The following PRKAR1A variants were observed in gnomAD, a reference collection of about 807,000 sequenced individuals.
PRKAR1A encodes the protein cAMP-dependent protein kinase type I-alpha regulatory subunit.
PRKAR1A carries 3 observed loss-of-function variants against 52.0 expected under a neutral mutation model. The observed-to-expected ratio is 0.06, with a 90% confidence interval of 0.03 to 0.15. The LOEUF (loss-of-function observed/expected upper bound fraction) is 0.15. Ranked by LOEUF, PRKAR1A falls within the 10% of genes least tolerant of loss-of-function variation. PRKAR1A has a pLI of 1.00. For synonymous variants in PRKAR1A, 188 were observed against 168.4 expected (o/e 1.12, Z -0.90); for missense variants, 240 against 477.4 (o/e 0.50, Z 4.63).
upstream of PRKAR1A, among the ~76,000 whole-genome samples, chr17:68,509,473 TA>T (rs1265492146): frequency 6.6e-6 from 1 of 152,204 alleles, no homozygotes; most frequent in Non-Finnish European, 1.5e-5. Context: ...CAGGAAAATT[TA>T]CTTATAATCC....
chr17:68,420,090 G>A, the PRKAR1A span: 1 of 1,355,254 alleles, frequency 7.4e-7, no homozygotes, highest in Non-Finnish European at 1.0e-6. Context: ...TGGTTATCTG[G>A]TATGTTTGAA....
chr17:68,444,500 G>A, the PRKAR1A span: 1 of 1,613,254 alleles, frequency 6.2e-7, no homozygotes, highest in Non-Finnish European at 8.5e-7. Flanking sequence ...CACCTGTTGG[G>A]TTTGCAGGAA....
chr17:68,416,095 C>A, the PRKAR1A span, among the ~76,000 whole-genome samples: 1 of 151,920 alleles, frequency 6.6e-6, no homozygotes, highest in Admixed American at 6.6e-5. Context: ...TTTGTTTTTG[C>A]TTTTCAAATT....
At chr17:68,475,312 G>C in the PRKAR1A span, among the ~76,000 whole-genome samples, 2 of 152,166 alleles carry the variant, frequency 1.3e-5, no homozygotes, top group African/African-American at 4.8e-5. Context: ...TAGTTAAATG[G>C]GTGAATTAAA....
the PRKAR1A span, among the ~76,000 whole-genome samples, chr17:68,462,205 C>G: frequency 6.6e-6 from 1 of 152,116 alleles, no homozygotes; most frequent in Non-Finnish European, 1.5e-5. Context: ...TTATTTTTGC[C>G]TCCAGAATAG....
the PRKAR1A span, among the ~76,000 whole-genome samples, chr17:68,417,471 G>A: frequency 5.9e-5 from 9 of 152,158 alleles, no homozygotes; most frequent in East Asian, 1.9e-4. Flanking sequence ...TGGGTGCCGC[G>A]GTGGGGGGTG....
At chr17:68,438,244 G>T in the PRKAR1A span, among the ~76,000 whole-genome samples, 2 of 69,152 alleles carry the variant, frequency 2.9e-5, no homozygotes, top group African/African-American at 9.0e-5. Context: ...GCACGTTCTG[G>T]CAGCCCTGCC....
At chr17:68,446,503 C>A in the PRKAR1A span, among the ~76,000 whole-genome samples, 1 of 152,134 alleles carries the variant, frequency 6.6e-6, no homozygotes, top group African/African-American at 2.4e-5. Context: ...TTACCTAAGG[C>A]TCTGTCGTAG....
the PRKAR1A span, among the ~76,000 whole-genome samples, chr17:68,489,339 GTATATATA>G: frequency 3.1e-3 from 68 of 22,022 alleles, 6 homozygotes; most frequent in African/African-American, 0.012. Context: ...TATATGGAAA[GTATATATA>G]TATATATATA....
chr17:68,484,030 C>T, the PRKAR1A span, among the ~76,000 whole-genome samples: 2 of 152,110 alleles, frequency 1.3e-5, no homozygotes, highest in South Asian at 2.1e-4. Context: ...ACCATTAGCC[C>T]TCCAACTTTG....
At chr17:68,420,908 A>G in the PRKAR1A span, 1 of 172,818 alleles carries the variant, frequency 5.8e-6, no homozygotes, top group Non-Finnish European at 1.2e-5. Flanking sequence ...CATTCTAATT[A>G]GTATTTAGGG....
chr17:68,523,662 G>C (rs1254210982), intron 3 of PRKAR1A, 63 bp from the exon 4 acceptor site: 1 of 1,290,416 alleles, frequency 7.7e-7, no homozygotes, highest in African/African-American at 1.5e-5. Context: ...TTGAAGCGCA[G>C]GTTGCAAACG....
chr17:68,507,260 A>T (rs1889394789), upstream of PRKAR1A, among the ~76,000 whole-genome samples: 1 of 152,260 alleles, frequency 6.6e-6, no homozygotes, highest in Non-Finnish European at 1.5e-5. Flanking sequence ...AATGCCCATC[A>T]ATGATAGACT....
At chr17:68,434,049 C>T in the PRKAR1A span, among the ~76,000 whole-genome samples, 12 of 152,050 alleles carry the variant, frequency 7.9e-5, 2 homozygotes, top group African/African-American at 2.2e-4. Context: ...GGATTACAGA[C>T]GTGAGCCACC....
At chr17:68,483,354 C>T in the PRKAR1A span, among the ~76,000 whole-genome samples, 23 of 151,950 alleles carry the variant, frequency 1.5e-4, no homozygotes, top group African/African-American at 4.4e-4. Flanking sequence ...GGTGGCCAGC[C>T]CCTGTAATCC....
chr17:68,542,252 A>G, intron 11 of PRKAR1A: 2 of 1,430,434 alleles, frequency 1.4e-6, no homozygotes, highest in Non-Finnish European at 1.9e-6. Context: ...ACTGGGAGGG[A>G]AGGGAAACCC....
At chr17:68,432,566 G>A in the PRKAR1A span, among the ~76,000 whole-genome samples, 1 of 152,148 alleles carries the variant, frequency 6.6e-6, no homozygotes, top group Admixed American at 6.6e-5. Context: ...AAGGTGCCCG[G>A]CCTCTGTCAT....
chr17:68,434,428 G>A, the PRKAR1A span: 17 of 857,262 alleles, frequency 2.0e-5, no homozygotes, highest in Admixed American at 2.9e-5. Context: ...ACCTGGGAGA[G>A]TAGTTACACT....
At chr17:68,543,605 C>CA in intron 11 of PRKAR1A, 1 of 1,607,910 alleles carries the variant, frequency 6.2e-7, no homozygotes, top group Non-Finnish European at 8.5e-7. Context: ...TAGGCAATGC[C>CA]ATCTCCATGG....
Sources: gnomAD v4.1 joint callset for allele counts (sites outside exome capture counted in the v4.1 genomes callset) on GRCh38, gnomAD v4.1.1 for gene constraint, MANE v1.5 for transcripts, NCBI Gene and HGNC (gene_info 2026-07-23, HGNC 2026-07-21) for gene names.